GALNT13: variants seen among roughly 807,000 people sequenced by gnomAD.
GALNT13 encodes UDP-GalNAc:polypeptide N-acetylgalactosaminyltransferase 13.
A neutral mutation model predicts 64.2 loss-of-function variants in GALNT13; 28 were observed. The ratio of observed to expected loss-of-function variants is 0.44; its 90% CI spans 0.32 to 0.60. The LOEUF (loss-of-function observed/expected upper bound fraction) is 0.60. Ranked by LOEUF, GALNT13 falls within the 20% of genes least tolerant of loss-of-function variation. The pLI is 0.05. For missense variants in GALNT13, 577 were observed against 669.8 expected, an observed-to-expected ratio of 0.86 and a Z score of 1.53; for synonymous variants, 214 against 224.6, an observed-to-expected ratio of 0.95 and a Z score of 0.42.
At chr2:153,629,511 A>G in the GALNT13 span, among the ~76,000 whole-genome samples, 5 of 152,164 alleles carry the variant, frequency 3.3e-5, 1 homozygote, top group South Asian at 1.0e-3. Flanking sequence ...GGTGGATTAA[A>G]GACTTCAATG....
At chr2:153,272,191 C>T in the GALNT13 span, among the ~76,000 whole-genome samples, 2 of 152,122 alleles carry the variant, frequency 1.3e-5, no homozygotes, top group Admixed American at 1.3e-4. Flanking sequence ...CCATTCAGGA[C>T]ATAGGTATGG....
the GALNT13 span, among the ~76,000 whole-genome samples, chr2:153,504,732 A>C: frequency 6.6e-6 from 1 of 152,182 alleles, no homozygotes; most frequent in South Asian, 2.1e-4. Flanking sequence ...CTGGTATGAA[A>C]CCCACTTGAT....
intron 9 of GALNT13, among the ~76,000 whole-genome samples, chr2:154,393,866 C>T (rs1220110889): frequency 3.3e-5 from 5 of 151,324 alleles, no homozygotes; most frequent in African/African-American, 9.7e-5. Context: ...ATCACGAGGT[C>T]AGGAGATCGA....
the GALNT13 span, among the ~76,000 whole-genome samples, chr2:153,835,229 A>C: frequency 1.3e-5 from 2 of 152,008 alleles, no homozygotes; most frequent in Admixed American, 1.3e-4. Flanking sequence ...AAAACATTAT[A>C]GCGTATATCT....
the GALNT13 span, among the ~76,000 whole-genome samples, chr2:153,725,137 T>G: frequency 3.4e-5 from 5 of 146,764 alleles, no homozygotes; most frequent in South Asian, 2.3e-4. Context: ...TAAAAAATGA[T>G]GAGTTCATGT....
the GALNT13 span, among the ~76,000 whole-genome samples, chr2:153,214,152 C>A: frequency 2.0e-5 from 3 of 152,084 alleles, no homozygotes; most frequent in African/African-American, 2.4e-5. Flanking sequence ...GGTTTATCTA[C>A]TTCAAGAATT....
the GALNT13 span, among the ~76,000 whole-genome samples, chr2:153,692,240 A>G: frequency 6.6e-6 from 1 of 152,148 alleles, no homozygotes; most frequent in East Asian, 1.9e-4. Context: ...AGGGATCGTA[A>G]AGGGGGTTTC....
the GALNT13 span, among the ~76,000 whole-genome samples, chr2:153,152,753 G>A: frequency 6.6e-6 from 1 of 152,040 alleles, no homozygotes; most frequent in Non-Finnish European, 1.5e-5. Flanking sequence ...CCTTTTTATG[G>A]CTGCATAGTA....
the GALNT13 span, among the ~76,000 whole-genome samples, chr2:153,655,229 C>CA: frequency 6.6e-6 from 1 of 152,010 alleles, no homozygotes. Context: ...TTATCCACCC[C>CA]AAAATACTTG....
intron 3 of GALNT13, among the ~76,000 whole-genome samples, chr2:154,091,498 T>C (rs1701806536): frequency 6.6e-6 from 1 of 151,866 alleles, no homozygotes; most frequent in Non-Finnish European, 1.5e-5. Flanking sequence ...CATTACAAAA[T>C]ATACTAAATT....
chr2:154,073,982 G>T (rs1700866987), intron 3 of GALNT13, among the ~76,000 whole-genome samples: 1 of 151,526 alleles, frequency 6.6e-6, no homozygotes, highest in Admixed American at 6.6e-5. Flanking sequence ...TTTCTTACTG[G>T]TTTTTTGATA....
the GALNT13 span, among the ~76,000 whole-genome samples, chr2:153,827,229 A>G: frequency 1.3e-5 from 2 of 152,102 alleles, no homozygotes; most frequent in Non-Finnish European, 2.9e-5. Flanking sequence ...ACTCACTATC[A>G]TGAGAACAGC....
chr2:153,558,574 T>C, the GALNT13 span, among the ~76,000 whole-genome samples: 3 of 152,146 alleles, frequency 2.0e-5, no homozygotes, highest in Non-Finnish European at 4.4e-5. Flanking sequence ...TCCAAGGTCC[T>C]TTGTAGGCTG....
At chr2:154,263,491 A>G (rs1213947706) in intron 8 of GALNT13, among the ~76,000 whole-genome samples, 1 of 152,162 alleles carries the variant, frequency 6.6e-6, no homozygotes, top group Non-Finnish European at 1.5e-5. Flanking sequence ...GGCTTTGATC[A>G]TGGTTAATCA....
the GALNT13 span, among the ~76,000 whole-genome samples, chr2:153,576,590 T>C: frequency 3.3e-5 from 5 of 152,092 alleles, no homozygotes; most frequent in East Asian, 3.9e-4. Context: ...CCAGCACCCA[T>C]AGATGCTGTC....
intron 8 of GALNT13, among the ~76,000 whole-genome samples, chr2:154,291,670 C>T (rs1172517712): frequency 1.3e-5 from 2 of 152,170 alleles, no homozygotes; most frequent in South Asian, 2.1e-4. Flanking sequence ...AGCTCCTGCC[C>T]GCACCTCTCC....
chr2:153,355,266 A>G, the GALNT13 span, among the ~76,000 whole-genome samples: 1 of 152,198 alleles, frequency 6.6e-6, no homozygotes, highest in Non-Finnish European at 1.5e-5. Context: ...AAGAATATGA[A>G]TATTATAAGC....
chr2:153,921,157 A>G (rs145607316), intron 2 of GALNT13, among the ~76,000 whole-genome samples: 43 of 152,290 alleles, frequency 2.8e-4, no homozygotes, highest in African/African-American at 1.0e-3. Flanking sequence ...TCACTCTACC[A>G]TAAAGACACA....
At chr2:153,139,754 G>A in the GALNT13 span, among the ~76,000 whole-genome samples, 2 of 152,016 alleles carry the variant, frequency 1.3e-5, no homozygotes, top group South Asian at 2.1e-4. Flanking sequence ...GGAGAGGGGG[G>A]ATAATCAGGT....
Sources: allele counts gnomAD v4.1 joint callset (sites outside exome capture counted in the v4.1 genomes callset), GRCh38; gene constraint gnomAD v4.1.1; transcripts MANE v1.5; gene names NCBI Gene and HGNC (gene_info 2026-07-23, HGNC 2026-07-21).